The following ZNF454 variants were observed in gnomAD, a reference collection of about 807,000 sequenced individuals.
The protein encoded by ZNF454 is zinc finger protein 454.
ZNF454 carries 30 observed loss-of-function variants against 48.2 expected under a neutral mutation model. The ratio of observed to expected loss-of-function variants is 0.62; its 90% CI spans 0.47 to 0.84. ZNF454 has a LOEUF of 0.84. Among genes scored for constraint, ZNF454 ranks in the 40% least tolerant of loss-of-function variants. The pLI, the probability that ZNF454 is intolerant of heterozygous loss-of-function variation, is 0.00. For missense variants in ZNF454, 510 were observed against 623.1 expected, an observed-to-expected ratio of 0.82 and a Z score of 1.93; for synonymous variants, 204 against 211.4, an observed-to-expected ratio of 0.97 and a Z score of 0.30.
At chr5:178,988,744 CT>C in the ZNF454 span, among the ~76,000 whole-genome samples, 1 of 152,176 alleles carries the variant, frequency 6.6e-6, no homozygotes, top group Admixed American at 6.5e-5. This position sits in a 1 kb window ranked among gnomAD's most constrained non-coding sequence, Gnocchi z 6.0. Flanking sequence ...ACACTGAAGC[CT>C]GGGGAGGGAG....
chr5:178,971,850 GAAAA>G, the ZNF454 span, among the ~76,000 whole-genome samples: 1 of 141,490 alleles, frequency 7.1e-6, no homozygotes, highest in African/African-American at 2.6e-5. Context: ...GACTCCATCT[GAAAA>G]AAAAAAAAGA....
downstream of ZNF454, among the ~76,000 whole-genome samples, chr5:178,967,548 G>T (rs1760180634): frequency 1.3e-5 from 2 of 151,962 alleles, no homozygotes; most frequent in South Asian, 4.2e-4. Flanking sequence ...CCTCCATCTG[G>T]GCCTTCCACT....
the ZNF454 span, chr5:178,985,804 C>G: frequency 3.8e-6 from 2 of 523,142 alleles, no homozygotes; most frequent in Non-Finnish European, 7.2e-6. Context: ...CTCTGACACC[C>G]AAGCTGGATT....
At chr5:178,989,124 T>A in the ZNF454 span, 112 of 1,613,892 alleles carry the variant, frequency 6.9e-5, no homozygotes, top group Non-Finnish European at 9.3e-5. Context: ...TCCCGGCCGA[T>A]GCGTTCCTCG....
the ZNF454 span, chr5:178,989,716 ACT>A: frequency 9.2e-5 from 43 of 466,814 alleles, no homozygotes; most frequent in Admixed American, 3.1e-4. Context: ...CATTTGAAAG[ACT>A]TTTATCCCTG....
chr5:178,955,041 T>A (rs1216600103), intron 4 of ZNF454, among the ~76,000 whole-genome samples: 1 of 152,246 alleles, frequency 6.6e-6, no homozygotes, highest in Non-Finnish European at 1.5e-5. Flanking sequence ...GTTTACATGT[T>A]TTTTTGTGGG....
the ZNF454 span, among the ~76,000 whole-genome samples, chr5:178,972,550 A>G: frequency 6.6e-6 from 1 of 152,280 alleles, no homozygotes; most frequent in Admixed American, 6.5e-5. Context: ...CACCCATACC[A>G]CATGATCCAA....
chr5:178,958,741 C>T (rs1011624907), intron 4 of ZNF454, among the ~76,000 whole-genome samples: 8 of 152,162 alleles, frequency 5.3e-5, no homozygotes, highest in African/African-American at 1.7e-4. Context: ...GTAGTATTAT[C>T]GTTACAAAAG....
At chr5:178,989,226 C>CCCACCCTCCCCACCCTCA in the ZNF454 span, 1 of 1,156,906 alleles carries the variant, frequency 8.6e-7, no homozygotes, top group Non-Finnish European at 1.3e-6. Flanking sequence ...CACCACCCTC[C>CCCACCCTCCCCACCCTCA]CCACCCTCCC....
At position 178,966,047 on chromosome 5, in the gene ZNF454, G is replaced by A; in HGVS notation, c.*74G>A. The A allele has an allele frequency of 8.1e-7, 1 of 1,228,604 alleles. No homozygotes were observed. Among genetic ancestry groups the A allele is most frequent in the South Asian group, 1.5e-5 (1 of 65,876 alleles). 76.1% of individuals were successfully genotyped at this position (1,228,604 alleles called of 1,614,324 possible). The stretch of plus-strand genomic sequence containing the variant: ...ATTGAATGTGAGATAATCCGTTCTA[G>A]AGAATAACTATGAAAGCTTGCATCA... On this transcript the variant is annotated 3_prime_UTR_variant, in exon 5 of 5. Coordinates refer to ENST00000519564, the MANE Select transcript of ZNF454 (RefSeq NM_001178089.3).
At chr5:178,969,003 C>T (rs182917028), downstream of ZNF454, 57 of 388,104 alleles carry the variant, frequency 1.5e-4, no homozygotes, top group African/African-American at 1.0e-3. Flanking sequence ...ATCAGTCCTC[C>T]GAGATGCCTG....
chr5:178,987,265 C>T, the ZNF454 span: 1 of 595,964 alleles, frequency 1.7e-6, no homozygotes, highest in Non-Finnish European at 3.2e-6. Flanking sequence ...CAGTGTGGAG[C>T]CTCCTCAAAA....
chr5:178,965,269 C>T lies in ZNF454; in HGVS notation c.865C>T (p.His289Tyr). ...KAFIRNIHLAHHHRIHTGEKP... is the reference protein window; with the variant it reads ...KAFIRNIHLAYHHRIHTGEKP... ...TTTTATCCGAAATATACACCTTGCC[C>T]ATCATCATAGAATACATACTGGAGA... Residue 289 changes from histidine (H) to tyrosine (Y), a missense_variant, in exon 5 of 5, where the codon CAT (histidine) becomes TAT (tyrosine). His to Tyr is a moderately conservative substitution (Grantham distance 83). Transcript: ENST00000519564. The surrounding 1 kb of genome is among the most constrained non-coding windows in gnomAD (Gnocchi z 5.2). 1 of 1,614,164 alleles carries T rather than the reference C, an allele frequency of 6.2e-7. No individual in the cohort carries two copies. The highest frequency in any genetic ancestry group is 8.5e-7 in the Non-Finnish European group (1 of 1,180,026).
At position 178,953,420 on chromosome 5, in the gene ZNF454, T is replaced by A. The variant is rs778424792; in HGVS notation, c.250+6434T>A. ...TGATCTCATTATTTCTCTCATTGTC[T>A]TCATCTTTTCTGGAGCCTTCTGACC... On this transcript the variant is annotated intron_variant, in intron 4 of 4. Transcript: ENST00000519564. 5.9e-5 allele frequency among the ~76,000 whole-genome samples: 9 copies of A among 152,198 alleles called. 1 individual carries two copies. Among genetic ancestry groups the A allele is most frequent in the Admixed American group, 3.3e-4 (5 of 15,284 alleles).
At chr5:178,948,304 A>G (rs1759417192) in intron 4 of ZNF454, among the ~76,000 whole-genome samples, 1 of 151,982 alleles carries the variant, frequency 6.6e-6, no homozygotes. Context: ...ATGAATTTGT[A>G]TATTCCATTA....
intron 4 of ZNF454, among the ~76,000 whole-genome samples, chr5:178,951,110 G>A (rs879325037): frequency 3.3e-5 from 5 of 151,914 alleles, no homozygotes; most frequent in East Asian, 1.9e-4. Flanking sequence ...CGCCCACCTC[G>A]GCCTCCCAAA....
At chr5:178,943,745 G>A (rs1759204269) in intron 2 of ZNF454, among the ~76,000 whole-genome samples, 1 of 152,204 alleles carries the variant, frequency 6.6e-6, no homozygotes, top group South Asian at 2.1e-4. Flanking sequence ...AAGAATATGG[G>A]CCAGACGCGG....
chr5:178,957,647 A>G (rs1342297408), intron 4 of ZNF454, among the ~76,000 whole-genome samples: 3 of 152,010 alleles, frequency 2.0e-5, no homozygotes, highest in Non-Finnish European at 4.4e-5. Context: ...CTGACCTCCA[A>G]TGTAGGTAGG....
intron 4 of ZNF454, among the ~76,000 whole-genome samples, chr5:178,952,785 T>C (rs2113222460): frequency 6.6e-6 from 1 of 152,248 alleles, no homozygotes; most frequent in African/African-American, 2.4e-5. Context: ...CAAAAGTTTG[T>C]CTTTTATTAG....
Sources: allele counts gnomAD v4.1 joint callset (sites outside exome capture counted in the v4.1 genomes callset), GRCh38; gene constraint gnomAD v4.1.1; non-coding constraint Gnocchi (gnomAD v3.1); transcripts MANE v1.5; gene names NCBI Gene and HGNC (gene_info 2026-07-23, HGNC 2026-07-21).